ATP13A3: variants seen among roughly 807,000 people sequenced by gnomAD.
ATP13A3 encodes the protein ATPase 13A3.
ATP13A3 carries 59 observed loss-of-function variants against 158.1 expected under a neutral mutation model. The observed-to-expected ratio is 0.37, with a 90% CI of 0.30 to 0.46. The LOEUF (loss-of-function observed/expected upper bound fraction) is 0.46. ATP13A3 is among the 20% of genes least tolerant of loss of function. The probability of loss-of-function intolerance (pLI) is 1.00; values close to 1 mark genes in which losing one functional copy is unlikely to be tolerated. For synonymous variants in ATP13A3, 491 were observed against 504.3 expected, an observed-to-expected ratio of 0.97 and a Z score of 0.35; for missense variants, 1,166 against 1,525.2, an observed-to-expected ratio of 0.76 and a Z score of 3.92.
At chr3:194,487,208 G>A (rs775515021), upstream of ATP13A3, among the ~76,000 whole-genome samples, 2 of 152,204 alleles carry the variant, frequency 1.3e-5, no homozygotes, top group African/African-American at 4.8e-5. Context: ...AACGCTGGGT[G>A]TCAGCCCGGG....
At chr3:194,492,612 G>A (rs535393828) in intron 2 of ATP13A3, among the ~76,000 whole-genome samples, 2 of 152,020 alleles carry the variant, frequency 1.3e-5, no homozygotes, top group East Asian at 3.9e-4. Context: ...CCGCCACCAG[G>A]CCCAGCTAAT....
At chr3:194,464,178 G>C (rs189968451) in intron 2 of ATP13A3, among the ~76,000 whole-genome samples, 34 of 152,280 alleles carry the variant, frequency 2.2e-4, no homozygotes, top group Admixed American at 1.6e-3. Context: ...AGAAGGGTCT[G>C]TCTGTACAGT....
chr3:194,433,232 C>CTTTTTTTTTT (rs71637136), intron 21 of ATP13A3, among the ~76,000 whole-genome samples: 4 of 113,658 alleles, frequency 3.5e-5, no homozygotes, highest in African/African-American at 7.0e-5. Context: ...TTTTACTATT[C>CTTTTTTTTTT]TTTTTTTTTT....
rs1477417664 is a variant in ATP13A3 at position 194,437,185 on chromosome 3, T to C, written c.2030A>G (p.Asp677Gly). Residue 677 changes from aspartate to glycine, a missense_variant, in exon 20 of 34, where the codon GAC (aspartate) becomes GGC (glycine). Physicochemically the swap from Asp to Gly is moderately conservative, Grantham distance 94. Around this residue, in one of 3 missense-constraint regions of ATP13A3, gnomAD observed 997 missense variants for 1,341.2 expected, o/e 0.74. Transcript: ENST00000645319. ...CACACGGAAGCCCTGTTTAGTGAAG[T>C]CTTCCAAAACGTTTTGAAAATCGAC... ...VPVDFQNVLE[D>G]FTKQGFRVIA... The C allele has an allele frequency of 1.9e-6, 3 of 1,613,930 alleles. No individual in the cohort carries two copies. Among genetic ancestry groups the C allele is most frequent in the Non-Finnish European group, 2.5e-6 (3 of 1,179,926 alleles).
intron 31 of ATP13A3, among the ~76,000 whole-genome samples, chr3:194,418,021 G>A (rs1716012538): frequency 6.7e-6 from 1 of 148,606 alleles, no homozygotes; most frequent in Non-Finnish European, 1.5e-5. Flanking sequence ...AGGGGAGGCG[G>A]GGGAGGAAGG....
intron 31 of ATP13A3, among the ~76,000 whole-genome samples, chr3:194,417,264 T>C (rs548523184): frequency 4.6e-5 from 7 of 151,988 alleles, no homozygotes; most frequent in African/African-American, 7.2e-5. Context: ...CTACTAAGAA[T>C]AGAAAAAATT....
chr3:194,454,591 G>A lies in ATP13A3; in HGVS notation c.631-199C>T, dbSNP rs372435003. ...CGCCTGTAATCCCAGCACTTTGGGAGGCCAAGGCGGGCGGATCATGAGGTC... is the reference window on the plus strand; with the variant it reads ...CGCCTGTAATCCCAGCACTTTGGGAAGCCAAGGCGGGCGGATCATGAGGTC... On this transcript the variant is annotated intron_variant, in intron 8 of 33. Coordinates refer to ENST00000645319, the MANE Select transcript of ATP13A3 (RefSeq NM_001367549.1). Among the ~76,000 whole-genome samples, 362 of 151,368 alleles carry A rather than the reference G, an allele frequency of 2.4e-3. 2 individuals carry two copies. The highest frequency in any genetic ancestry group is 8.4e-3 in the African/African-American group (347 of 41,300).
intron 21 of ATP13A3, among the ~76,000 whole-genome samples, chr3:194,433,281 G>A (rs1717370779): frequency 7.4e-6 from 1 of 134,584 alleles, no homozygotes; most frequent in African/African-American, 2.9e-5. Flanking sequence ...CTGTCGCCCA[G>A]GCCGGACTGC....
intron 26 of ATP13A3, 116 bp downstream of exon 26, chr3:194,429,956 C>T: frequency 9.5e-7 from 1 of 1,049,816 alleles, no homozygotes; most frequent in Non-Finnish European, 1.4e-6. Flanking sequence ...AGTTACAGCT[C>T]AAATGTGCTA....
chr3:194,489,512 C>T (rs900220702), upstream of ATP13A3, among the ~76,000 whole-genome samples: 2 of 152,144 alleles, frequency 1.3e-5, no homozygotes, highest in East Asian at 1.9e-4. The surrounding 1 kb of genome is among the most constrained non-coding windows in gnomAD (Gnocchi z 4.1). Flanking sequence ...TAGACAAATT[C>T]AGCCTTCAGA....
At chr3:194,406,552 G>A (rs1010150158) in intron 33 of ATP13A3, among the ~76,000 whole-genome samples, 1 of 152,110 alleles carries the variant, frequency 6.6e-6, no homozygotes. Flanking sequence ...ATAACTTGCA[G>A]ATATGGATTC....
chr3:194,461,573 T>C (rs1028714756), intron 3 of ATP13A3, among the ~76,000 whole-genome samples: 3 of 152,206 alleles, frequency 2.0e-5, no homozygotes, highest in African/African-American at 4.8e-5. Context: ...CAACAAGCGT[T>C]GCCAGATTTA....
chr3:194,414,136 T>C (rs1258800078), intron 31 of ATP13A3, among the ~76,000 whole-genome samples: 1 of 151,670 alleles, frequency 6.6e-6, no homozygotes, highest in East Asian at 1.9e-4. Flanking sequence ...TGTCTAACAG[T>C]TTCTATTTTC....
rs745604321 is a variant in ATP13A3 at position 194,459,841 on chromosome 3, G to C, written c.356C>G (p.Thr119Ser). 3 of 1,613,420 alleles carry C rather than the reference G, an allele frequency of 1.9e-6. No homozygotes were observed. The South Asian group carries it at 3.3e-5, about 18-fold the overall frequency. Residue 119 changes from threonine to serine, a missense_variant, in exon 5 of 34, where the codon ACT (threonine) becomes AGT (serine). Physicochemically the swap from Thr to Ser is moderately conservative, Grantham distance 58. Coordinates refer to ENST00000645319, the MANE Select transcript of ATP13A3 (RefSeq NM_001367549.1). ...GHAVCLIENP[T>S]EENRHRISKY... The stretch of plus-strand genomic sequence containing the variant: ...ACTGATCCTGTGCCTATTTTCTTCA[G>C]TGGGATTCTCAATTAAACAAACTGC...
At chr3:194,473,033 T>G (rs986171132) in intron 2 of ATP13A3, among the ~76,000 whole-genome samples, 1 of 152,134 alleles carries the variant, frequency 6.6e-6, no homozygotes, top group Non-Finnish European at 1.5e-5. Context: ...GGGTACCTAT[T>G]GGGTACTCTG....
chr3:194,455,366 C>T (rs1719151082), intron 8 of ATP13A3, among the ~76,000 whole-genome samples: 1 of 152,126 alleles, frequency 6.6e-6, no homozygotes, highest in Non-Finnish European at 1.5e-5. Flanking sequence ...CATATATAGT[C>T]TCATTTTACC....
chr3:194,427,715 T>C (rs1291332635), intron 28 of ATP13A3, among the ~76,000 whole-genome samples: 3 of 151,290 alleles, frequency 2.0e-5, no homozygotes, highest in African/African-American at 7.3e-5. Flanking sequence ...AAACTAAATA[T>C]AAACACAATA....
intron 20 of ATP13A3, among the ~76,000 whole-genome samples, chr3:194,436,251 C>A (rs977493188): frequency 2.6e-5 from 4 of 152,024 alleles, no homozygotes; most frequent in African/African-American, 9.7e-5. Flanking sequence ...TATTCCTAAA[C>A]AAAAATGCTA....
In ATP13A3 at chr3:194,404,033, G is replaced by A. The variant is rs1372278789; in HGVS notation, c.*1886C>T. On this transcript the variant is annotated 3_prime_UTR_variant, in exon 34 of 34. Coordinates refer to ENST00000645319, the MANE Select transcript of ATP13A3 (RefSeq NM_001367549.1). ...GCAATTACTTTCATTATATGCTTCA[G>A]TACTTAAACCAAAGAATAAAATGCA... 2 of 430,380 alleles carry A rather than the reference G, an allele frequency of 4.6e-6. No homozygotes were observed. The highest frequency in any genetic ancestry group is 9.2e-6 in the Non-Finnish European group (2 of 218,256). 26.7% of individuals were successfully genotyped at this position (430,380 alleles called of 1,614,324 possible).
Sources: gnomAD v4.1 joint callset for allele counts (sites outside exome capture counted in the v4.1 genomes callset) on GRCh38, gnomAD v4.1.1 for gene constraint, gnomAD v4.1.1 regional missense constraint, Gnocchi (gnomAD v3.1) non-coding constraint, MANE v1.5 for transcripts, NCBI Gene and HGNC (gene_info 2026-07-23, HGNC 2026-07-21) for gene names.